Variants in ASTN2 observed in about 807,000 individuals in gnomAD.
ASTN2 encodes astrotactin 2, also known as astrotactin-2.
In ASTN2, 54 loss-of-function variants were observed where a neutral mutation model predicts 139.8. The ratio of observed to expected loss-of-function variants is 0.39; its 90% CI spans 0.31 to 0.48. The LOEUF (loss-of-function observed/expected upper bound fraction) is 0.48, where lower values mean the gene tolerates loss of function less well. ASTN2 is among the 20% of genes least tolerant of loss of function. ASTN2 has a pLI of 0.95. For synonymous variants in ASTN2, 756 were observed against 719.5 expected (o/e 1.05, Z -0.81); for missense variants, 1,565 against 1,725.1 (o/e 0.91, Z 1.64).
chr9:116,881,090 G>T (rs1000035506), intron 10 of ASTN2, among the ~76,000 whole-genome samples: 3 of 152,170 alleles, frequency 2.0e-5, no homozygotes, highest in African/African-American at 7.2e-5. Context: ...AGACAGGATG[G>T]CTGCTAGACG....
At chr9:117,235,826 G>A (rs757874694) in intron 2 of ASTN2, among the ~76,000 whole-genome samples, 5 of 152,148 alleles carry the variant, frequency 3.3e-5, no homozygotes, top group Admixed American at 6.5e-5. Flanking sequence ...TACGTCCAAG[G>A]TGAGTGAGGC....
Position 116,477,072 on chromosome 9 carries a change from G to A in ASTN2, c.3497+10287C>T, listed in dbSNP as rs545470228. Among the ~76,000 whole-genome samples, 3 of 151,642 alleles carry A rather than the reference G, an allele frequency of 2.0e-5. No individual in the cohort carries two copies. In the East Asian group the frequency reaches 5.9e-4, roughly 30 times the overall value. ...CTCCACAAGGTCACATGAGCAGTCT[G>A]TGCCCTGTCCCTCTGGAACCCTGGC... is the stretch of plus-strand genomic sequence containing the variant. On this transcript the variant is annotated intron_variant, in intron 20 of 22. Coordinates refer to ENST00000313400, the MANE Select transcript of ASTN2 (RefSeq NM_001365068.1).
At chr9:117,008,566 G>T (rs1837425800) in intron 6 of ASTN2, among the ~76,000 whole-genome samples, 1 of 152,150 alleles carries the variant, frequency 6.6e-6, no homozygotes. Context: ...GTGCCCCTGG[G>T]TCTTGGTTAC....
chr9:116,728,962 T>C (rs1426095278), intron 15 of ASTN2, 30 bp downstream of exon 15: 2 of 1,544,324 alleles, frequency 1.3e-6, no homozygotes, highest in Middle Eastern at 1.7e-4. Flanking sequence ...TTATTCCAAG[T>C]CCCCTGGCTG....
intron 4 of ASTN2, among the ~76,000 whole-genome samples, chr9:117,140,312 G>A (rs184732271): frequency 6.6e-6 from 1 of 152,234 alleles, no homozygotes; most frequent in East Asian, 1.9e-4. Flanking sequence ...GAACATGTGT[G>A]AAGGTGCTAG....
intron 3 of ASTN2, among the ~76,000 whole-genome samples, chr9:117,150,777 G>A (rs1830310881): frequency 6.6e-6 from 1 of 152,132 alleles, no homozygotes; most frequent in Admixed American, 6.6e-5. Context: ...GCTTACTGCA[G>A]CCTTGAACAT....
At chr9:116,447,237 G>A (rs1477967523) in intron 20 of ASTN2, among the ~76,000 whole-genome samples, 1 of 152,084 alleles carries the variant, frequency 6.6e-6, no homozygotes, top group East Asian at 1.9e-4. Flanking sequence ...TACCTCCTCT[G>A]GAAAGTCTGC....
At chr9:117,172,414 T>C (rs962380273) in intron 3 of ASTN2, among the ~76,000 whole-genome samples, 1 of 152,190 alleles carries the variant, frequency 6.6e-6, no homozygotes, top group African/African-American at 2.4e-5. Context: ...TACTTGAGTA[T>C]AGGCATACAT....
At chr9:117,259,887 G>A (rs934855483) in intron 2 of ASTN2, among the ~76,000 whole-genome samples, 39 of 152,258 alleles carry the variant, frequency 2.6e-4, no homozygotes, top group African/African-American at 9.4e-4. Context: ...AGTACTTTGA[G>A]GTTCACAGAT....
intron 6 of ASTN2, among the ~76,000 whole-genome samples, chr9:117,013,467 A>AAT (rs3038366): frequency 1.7e-5 from 2 of 115,514 alleles, no homozygotes; most frequent in African/African-American, 6.1e-5. Context: ...CTTATTTTTA[A>AAT]ATATATATAT....
rs1017440347 is a variant in ASTN2, at chr9:116,617,368, T to C, written c.3355+956A>G. On this transcript the variant is annotated intron_variant, in intron 19 of 22. Coordinates refer to ENST00000313400, the MANE Select transcript of ASTN2 (RefSeq NM_001365068.1). The stretch of plus-strand genomic sequence containing the variant: ...TTCATTCAGTCAACTCATATTTGAA[T>C]GCCAGACTTTGTGATAGGTGTTGGA... 3.8e-4 allele frequency among the ~76,000 whole-genome samples: 58 copies of C among 152,304 alleles called. 2 individuals carry two copies. The highest frequency in any genetic ancestry group is 3.7e-3 in the Admixed American group (57 of 15,296).
intron 13 of ASTN2, among the ~76,000 whole-genome samples, chr9:116,734,814 C>G (rs1828882028): frequency 1.3e-5 from 2 of 152,164 alleles, no homozygotes; most frequent in African/African-American, 4.8e-5. Flanking sequence ...CTCCAGGCAC[C>G]TTTGAAGCTC....
intron 10 of ASTN2, among the ~76,000 whole-genome samples, chr9:116,972,656 T>C (rs902495111): frequency 6.6e-6 from 1 of 152,204 alleles, no homozygotes; most frequent in Non-Finnish European, 1.5e-5. Context: ...ACATTTGTTA[T>C]CATTAGTTGT....
At chr9:116,697,620 A>G in intron 16 of ASTN2, 1 of 1,236,968 alleles carries the variant, frequency 8.1e-7, no homozygotes, top group South Asian at 1.3e-5. Context: ...ATTTATTTAT[A>G]TAGTCAGAGG....
intron 4 of ASTN2, among the ~76,000 whole-genome samples, chr9:117,108,312 C>T (rs1362120123): frequency 1.3e-5 from 2 of 152,110 alleles, no homozygotes; most frequent in African/African-American, 4.8e-5. Context: ...GAACCCTCTT[C>T]AGGGTGACAT....
chr9:116,438,004 C>T (rs932579086), intron 22 of ASTN2, among the ~76,000 whole-genome samples: 1 of 152,196 alleles, frequency 6.6e-6, no homozygotes, highest in African/African-American at 2.4e-5. Context: ...AAACTCTGCA[C>T]AACTCTGGGC....
At chr9:116,716,487 A>G (rs1465544965) in intron 16 of ASTN2, among the ~76,000 whole-genome samples, 1 of 152,108 alleles carries the variant, frequency 6.6e-6, no homozygotes, top group Non-Finnish European at 1.5e-5. Flanking sequence ...CATAAAGCTG[A>G]CCTCATCTTT....
chr9:116,900,151 G>A (rs189402332), intron 10 of ASTN2, among the ~76,000 whole-genome samples: 1 of 152,092 alleles, frequency 6.6e-6, no homozygotes, highest in Non-Finnish European at 1.5e-5. Flanking sequence ...TTTCTCTATT[G>A]CAATGCTGCT....
At chr9:116,967,575 C>A (rs558563041) in intron 10 of ASTN2, among the ~76,000 whole-genome samples, 1 of 152,344 alleles carries the variant, frequency 6.6e-6, no homozygotes, top group East Asian at 1.9e-4. Context: ...AGGTTGCCTA[C>A]AATGTGTGCA....
Sources: allele counts gnomAD v4.1 joint callset (sites outside exome capture counted in the v4.1 genomes callset), GRCh38; gene constraint gnomAD v4.1.1; transcripts MANE v1.5; gene names NCBI Gene and HGNC (gene_info 2026-07-23, HGNC 2026-07-21).